Variants in C8orf34 observed in about 807,000 individuals in gnomAD.
C8orf34 encodes the protein chromosome 8 open reading frame 34, also known as uncharacterized protein C8orf34.
Under a neutral mutation model 68.3 loss-of-function variants are expected in C8orf34, and 65 were observed. The ratio of observed to expected loss-of-function variants is 0.95; its 90% CI spans 0.78 to 1.17. The LOEUF is 1.17. Ranked by LOEUF, C8orf34 falls within the 50% of genes most tolerant of loss-of-function variation. The pLI is 0.00. For synonymous variants in C8orf34, 244 were observed against 241.2 expected, an observed-to-expected ratio of 1.01 and a Z score of -0.11; for missense variants, 664 against 655.4, an observed-to-expected ratio of 1.01 and a Z score of -0.14.
intron 1 of C8orf34, chr8:68,437,813 T>G (rs1223854878): frequency 1.3e-5 from 2 of 152,202 alleles, no homozygotes; most frequent in Admixed American, 6.5e-5. Flanking sequence ...CTTCTAACTC[T>G]GTGTTCCATC....
At chr8:68,672,297 G>A (rs2082723) in intron 8 of C8orf34, among the ~76,000 whole-genome samples, 52,817 of 151,926 alleles carry the variant, frequency 0.35, 9,458 homozygotes, top group East Asian at 0.57. Context: ...ACCTTCATGA[G>A]AACTAAAAAT....
chr8:68,804,800 CAAACAAAT>C (rs1405672802), intron 12 of C8orf34, among the ~76,000 whole-genome samples: 3 of 152,004 alleles, frequency 2.0e-5, no homozygotes, highest in African/African-American at 7.2e-5. Flanking sequence ...AATAAACAAA[CAAACAAAT>C]AAATAAATAA....
At chr8:68,783,772 A>G (rs765982645) in intron 11 of C8orf34, among the ~76,000 whole-genome samples, 1 of 152,086 alleles carries the variant, frequency 6.6e-6, no homozygotes, top group East Asian at 1.9e-4. Flanking sequence ...CCTCGGGCAC[A>G]TGTCGTCAGG....
At chr8:68,451,372 G>T (rs555741662) in intron 3 of C8orf34, among the ~76,000 whole-genome samples, 17 of 151,974 alleles carry the variant, frequency 1.1e-4, no homozygotes, top group African/African-American at 3.4e-4. Context: ...ATTTGCATTC[G>T]CTACTTGGCT....
intron 7 of C8orf34, among the ~76,000 whole-genome samples, chr8:68,607,329 A>G (rs1003323483): frequency 5.9e-5 from 9 of 152,106 alleles, no homozygotes; most frequent in African/African-American, 2.2e-4. Context: ...ACATTTCTGG[A>G]GGATAAACAT....
intron 7 of C8orf34, among the ~76,000 whole-genome samples, chr8:68,601,670 G>C (rs998003978): frequency 6.6e-6 from 1 of 151,814 alleles, no homozygotes; most frequent in African/African-American, 2.4e-5. Flanking sequence ...GTCACTTCTA[G>C]GATGGCTACT....
chr8:68,506,810 TG>T (rs1235071181), intron 5 of C8orf34, among the ~76,000 whole-genome samples: 2 of 152,236 alleles, frequency 1.3e-5, no homozygotes, highest in African/African-American at 4.8e-5. Flanking sequence ...TTTCACATTT[TG>T]GTCTTTAATC....
At chr8:68,559,979 G>A (rs1816372181) in intron 7 of C8orf34, among the ~76,000 whole-genome samples, 1 of 152,172 alleles carries the variant, frequency 6.6e-6, no homozygotes, top group Non-Finnish European at 1.5e-5. Context: ...GAACATGGAA[G>A]CATTCCTACT....
intron 4 of C8orf34, among the ~76,000 whole-genome samples, chr8:68,469,438 C>T (rs1266809100): frequency 2.0e-5 from 3 of 151,974 alleles, no homozygotes; most frequent in East Asian, 3.9e-4. Flanking sequence ...TGCCGCCTTC[C>T]TCTGCTAGGT....
At chr8:68,597,630 A>G (rs1817584966) in intron 7 of C8orf34, among the ~76,000 whole-genome samples, 2 of 151,642 alleles carry the variant, frequency 1.3e-5, no homozygotes, top group Admixed American at 1.3e-4. Context: ...TAAGTGGGTT[A>G]TTTCCCTCAT....
chr8:68,729,080 A>G (rs1045817351), intron 10 of C8orf34, among the ~76,000 whole-genome samples: 4 of 152,274 alleles, frequency 2.6e-5, no homozygotes, highest in African/African-American at 9.6e-5. Context: ...GCATCTATGC[A>G]TATATCTTCT....
At chr8:68,614,143 T>G (rs539486230) in intron 7 of C8orf34, among the ~76,000 whole-genome samples, 102 of 152,302 alleles carry the variant, frequency 6.7e-4, no homozygotes, top group African/African-American at 1.7e-3. Context: ...ATTGTTTGTT[T>G]TTTTCTTGTA....
At chr8:68,471,658 A>G (rs890393955) in intron 4 of C8orf34, among the ~76,000 whole-genome samples, 1 of 152,114 alleles carries the variant, frequency 6.6e-6, no homozygotes, top group Non-Finnish European at 1.5e-5. Context: ...AGGTACCTTC[A>G]TAAGGAATAT....
intron 8 of C8orf34, among the ~76,000 whole-genome samples, chr8:68,683,004 T>C (rs931266564): frequency 2.0e-5 from 3 of 152,082 alleles, no homozygotes; most frequent in Non-Finnish European, 2.9e-5. Context: ...GCAAGGCAGA[T>C]TGACTGCCAA....
At chr8:68,663,770 G>A (rs1819756078) in intron 8 of C8orf34, among the ~76,000 whole-genome samples, 1 of 152,174 alleles carries the variant, frequency 6.6e-6, no homozygotes, top group South Asian at 2.1e-4. Flanking sequence ...TTGCATTACT[G>A]TTTGATAGAT....
chr8:68,686,213 A>G (rs1385398428), intron 8 of C8orf34, among the ~76,000 whole-genome samples: 5 of 152,122 alleles, frequency 3.3e-5, no homozygotes, highest in African/African-American at 1.2e-4. Flanking sequence ...AGATATTCAA[A>G]GAAGAATTGA....
At chr8:68,709,733 A>G (rs1821277982) in intron 9 of C8orf34, among the ~76,000 whole-genome samples, 1 of 152,202 alleles carries the variant, frequency 6.6e-6, no homozygotes, top group Non-Finnish European at 1.5e-5. Flanking sequence ...TTCTGAAAAT[A>G]AAGCTGCTTA....
At chr8:68,695,480 T>A (rs1048264418) in intron 8 of C8orf34, among the ~76,000 whole-genome samples, 2 of 152,166 alleles carry the variant, frequency 1.3e-5, no homozygotes, top group Non-Finnish European at 2.9e-5. Context: ...ACATCTTCAA[T>A]GCTACATTAA....
intron 8 of C8orf34, among the ~76,000 whole-genome samples, chr8:68,662,481 TC>T (rs1314786626): frequency 1.3e-5 from 2 of 152,092 alleles, no homozygotes; most frequent in Non-Finnish European, 2.9e-5. Context: ...GGGGGAAGTT[TC>T]CCCCATACTG....
Sources: allele counts gnomAD v4.1 joint callset (sites outside exome capture counted in the v4.1 genomes callset), GRCh38; gene constraint gnomAD v4.1.1; transcripts MANE v1.5; gene names NCBI Gene and HGNC (gene_info 2026-07-23, HGNC 2026-07-21).